PBX3: variants seen among roughly 807,000 people sequenced by gnomAD.
The protein encoded by PBX3 is pre-B-cell leukemia transcription factor 3.
In PBX3, 14 loss-of-function variants were observed where a neutral mutation model predicts 48.5. The ratio of observed to expected loss-of-function variants is 0.29; its 90% confidence interval spans 0.19 to 0.45. The LOEUF (loss-of-function observed/expected upper bound fraction) is 0.45. PBX3 is among the 20% of genes least tolerant of loss of function. The pLI, the probability that PBX3 is intolerant of heterozygous loss-of-function variation, is 1.00. For missense variants in PBX3, 386 were observed against 546.7 expected, an observed-to-expected ratio of 0.71 and a Z score of 2.93; for synonymous variants, 210 against 200.3, an observed-to-expected ratio of 1.05 and a Z score of -0.41.
At chr9:125,933,855 A>G (rs1266746614) in intron 4 of PBX3, among the ~76,000 whole-genome samples, 2 of 152,146 alleles carry the variant, frequency 1.3e-5, no homozygotes, top group East Asian at 3.9e-4. Context: ...TAAATTTGAC[A>G]TTTTCAGTAT....
At chr9:125,758,546 G>C (rs187747943) in intron 2 of PBX3, among the ~76,000 whole-genome samples, 1 of 152,178 alleles carries the variant, frequency 6.6e-6, no homozygotes, top group Admixed American at 6.5e-5. Flanking sequence ...AAAAGTAGCT[G>C]TCAACCATTG....
At chr9:125,950,101 T>C (rs1319012587) in intron 5 of PBX3, among the ~76,000 whole-genome samples, 1 of 152,202 alleles carries the variant, frequency 6.6e-6, no homozygotes, top group East Asian at 1.9e-4. Flanking sequence ...ACTGTAAATG[T>C]TGTCTGTGGT....
rs386416228 is a variant in PBX3 at position 125,948,720 on chromosome 9, G to GTATA, written c.844-11951_844-11948dup. Among the ~76,000 whole-genome samples the GTATA allele has an allele frequency of 5.1e-3, 760 of 149,796 alleles. 10 individuals carry two copies. Among genetic ancestry groups the GTATA allele is most frequent in the African/African-American group, 0.017 (712 of 40,770 alleles). On this transcript the variant is annotated intron_variant, in intron 5 of 8. Coordinates refer to ENST00000373489, the MANE Select transcript of PBX3 (RefSeq NM_006195.6). ...CAGGTATATACGTGTGTGTGTGTGT[G>GTATA]TATATATATATATATACATGCACAC...
chr9:125,795,934 G>A (rs960703031), intron 2 of PBX3, among the ~76,000 whole-genome samples: 3 of 152,098 alleles, frequency 2.0e-5, no homozygotes, highest in African/African-American at 7.2e-5. Flanking sequence ...AATTTATATT[G>A]TCACTATTTT....
intron 2 of PBX3, among the ~76,000 whole-genome samples, chr9:125,778,249 A>T (rs77041198): frequency 2.6e-4 from 38 of 146,016 alleles, no homozygotes; most frequent in Non-Finnish European, 4.5e-4. Context: ...GGTGTGAGCC[A>T]CCGTGCCTGG....
At chr9:125,910,206 C>T (rs899979055) in intron 2 of PBX3, among the ~76,000 whole-genome samples, 1 of 152,086 alleles carries the variant, frequency 6.6e-6, no homozygotes, top group Non-Finnish European at 1.5e-5. Flanking sequence ...TAGATTTGGG[C>T]AGTGAAGTAA....
chr9:125,958,719 G>A (rs1842363025), intron 5 of PBX3, among the ~76,000 whole-genome samples: 1 of 152,140 alleles, frequency 6.6e-6, no homozygotes, highest in Non-Finnish European at 1.5e-5. Flanking sequence ...TGGAAGTTGT[G>A]GCAGAACATT....
chr9:125,748,426 A>G, intron 1 of PBX3, 124 bp from the exon 2 acceptor site: 7 of 1,462,458 alleles, frequency 4.8e-6, no homozygotes, highest in Non-Finnish European at 6.4e-6. Flanking sequence ...TTGACTTCCC[A>G]CGGTTCAAAA....
chr9:125,918,145 G>A (rs189707986), intron 3 of PBX3, among the ~76,000 whole-genome samples: 1 of 152,254 alleles, frequency 6.6e-6, no homozygotes, highest in East Asian at 1.9e-4. Flanking sequence ...CAAATGGCCT[G>A]AGTTTTTTGG....
chr9:125,920,727 G>T (rs776713542), intron 3 of PBX3, among the ~76,000 whole-genome samples: 5 of 152,206 alleles, frequency 3.3e-5, no homozygotes, highest in Non-Finnish European at 7.3e-5. Flanking sequence ...CTGGGAACCT[G>T]CTTTCTGAGT....
intron 5 of PBX3, among the ~76,000 whole-genome samples, chr9:125,941,243 G>A (rs771681584): frequency 2.0e-5 from 3 of 152,194 alleles, no homozygotes; most frequent in African/African-American, 7.2e-5. Flanking sequence ...CAGCAAGTAC[G>A]GAGGCCCTGA....
intron 5 of PBX3, among the ~76,000 whole-genome samples, chr9:125,944,050 G>A (rs1178144877): frequency 6.6e-6 from 1 of 152,252 alleles, no homozygotes; most frequent in Non-Finnish European, 1.5e-5. Context: ...AGGGTAGAGA[G>A]TGGATAGGGA....
intron 2 of PBX3, among the ~76,000 whole-genome samples, chr9:125,907,601 C>G (rs1007375653): frequency 2.0e-5 from 3 of 151,968 alleles, no homozygotes; most frequent in African/African-American, 7.2e-5. Context: ...TCCCTATTTA[C>G]AGACAATGAA....
chr9:125,820,510 T>C (rs1838619573), intron 2 of PBX3, among the ~76,000 whole-genome samples: 1 of 152,242 alleles, frequency 6.6e-6, no homozygotes, highest in Admixed American at 6.5e-5. Flanking sequence ...GTGCACAGCA[T>C]TGAAGAATTT....
chr9:125,922,374 G>A lies in PBX3; in HGVS notation c.516+6447G>A, dbSNP rs28369328. Among the ~76,000 whole-genome samples, 854 of 152,268 alleles carry A rather than the reference G, an allele frequency of 5.6e-3. 8 individuals carry two copies. The highest frequency in any genetic ancestry group is 0.019 in the African/African-American group (809 of 41,582). On this transcript the variant is annotated intron_variant, in intron 3 of 8. Coordinates refer to ENST00000373489, the MANE Select transcript of PBX3 (RefSeq NM_006195.6). ...GTGTTTTAAACACATAAACAAAAAT[G>A]CATCCTAGGTAGTTTTCAACAGCTG...
chr9:125,931,695 A>G (rs147195057), intron 4 of PBX3, among the ~76,000 whole-genome samples: 5 of 152,318 alleles, frequency 3.3e-5, no homozygotes, highest in East Asian at 1.9e-4. Context: ...ACTTGCCCCA[A>G]TTGAGCTTAT....
chr9:125,911,314 G>A (rs10987023), intron 2 of PBX3, among the ~76,000 whole-genome samples: 9,059 of 152,108 alleles, frequency 0.06, 629 homozygotes, highest in East Asian at 0.17. Flanking sequence ...GTAGCAACAC[G>A]TCTGTCTTAA....
intron 2 of PBX3, among the ~76,000 whole-genome samples, chr9:125,832,182 A>T (rs1022422351): frequency 2.0e-5 from 3 of 148,626 alleles, no homozygotes; most frequent in Admixed American, 6.9e-5. Flanking sequence ...TTATAAATAT[A>T]TACTGGTTTT....
At position 125,771,489 on chromosome 9, in the gene PBX3, T is replaced by C. The variant is rs1836939476; in HGVS notation, c.274+22866T>C. On this transcript the variant is annotated intron_variant, in intron 2 of 8. Coordinates refer to ENST00000373489, the MANE Select transcript of PBX3 (RefSeq NM_006195.6). Reference sequence around the variant, plus strand: ...TTGGTCATGGTGAAAATATAAAATTTCATGGCTTGTCAAAGATTAATATAA... The same window carrying C: ...TTGGTCATGGTGAAAATATAAAATTCCATGGCTTGTCAAAGATTAATATAA... 2.0e-5 allele frequency among the ~76,000 whole-genome samples: 3 copies of C among 152,318 alleles called. No individual in the cohort carries two copies. The South Asian group carries it at 6.2e-4, about 32-fold the overall frequency.
Sources: allele counts gnomAD v4.1 joint callset (sites outside exome capture counted in the v4.1 genomes callset), GRCh38; gene constraint gnomAD v4.1.1; transcripts MANE v1.5; gene names NCBI Gene and HGNC (gene_info 2026-07-23, HGNC 2026-07-21).